The following EPX variants were observed in gnomAD, a reference collection of about 807,000 sequenced individuals.
EPX encodes eosinophil peroxidase.
Under a neutral mutation model 73.0 loss-of-function variants are expected in EPX, and 60 were observed. That is an observed-to-expected ratio of 0.82 (90% CI 0.67 to 1.02). EPX has a LOEUF of 1.02. Among genes scored for constraint, EPX ranks in the 50% least tolerant of loss-of-function variants. EPX has a pLI of 0.00. For missense variants in EPX, 950 were observed against 973.9 expected, an observed-to-expected ratio of 0.98 and a Z score of 0.33; for synonymous variants, 347 against 389.2, an observed-to-expected ratio of 0.89 and a Z score of 1.28.
In EPX at chr17:58,194,004, G is replaced by C. The variant is rs780229286; in HGVS notation, c.506G>C (p.Arg169Pro). The change falls in exon 5 of 13, where the codon CGC becomes CCC. Residue 169 changes from arginine (R) to proline (P), a missense_variant. By Grantham distance (103) the Arg-to-Pro change is moderately radical (BLOSUM62 -2). Coordinates refer to ENST00000225371, the MANE Select transcript of EPX (RefSeq NM_000502.6). ...GGGGCCTCCAACCAGGCTCTGGCTC[G>C]CTGGCTGCCCGCCGAGTATGAGGAT... The part of the protein sequence containing the change: ...LLGASNQALA[R>P]WLPAEYEDGL... The C allele has an allele frequency of 4.3e-6, 7 of 1,612,976 alleles. No homozygotes were observed. Among genetic ancestry groups the C allele is most frequent in the Non-Finnish European group, 5.9e-6 (7 of 1,180,020 alleles).
In EPX at chr17:58,194,017, C is replaced by G; in HGVS notation, c.519C>G (p.Ala173=). ...SNQALARWLP[A]EYEDGLSLPF... ...AGGCTCTGGCTCGCTGGCTGCCCGC[C>G]GAGTATGAGGATGGGCTGTCGCTCC... The change falls in exon 5 of 13, where the codon GCC becomes GCG. Residue 173 remains alanine, a synonymous_variant. Transcript: ENST00000225371. The G allele has an allele frequency of 6.2e-7, 1 of 1,613,194 alleles. No individual in the cohort carries two copies. The highest frequency in any genetic ancestry group is 8.5e-7 in the Non-Finnish European group (1 of 1,179,956).
chr17:58,198,203 G>GGGGAGCA (rs1968288428), intron 7 of EPX, among the ~76,000 whole-genome samples: 1 of 152,162 alleles, frequency 6.6e-6, no homozygotes, highest in African/African-American at 2.4e-5. Flanking sequence ...AATTATTATT[G>GGGGAGCA]TTCTCATTTT....
Position 58,192,881 on chromosome 17 carries a change from C to T in EPX, c.35C>T (p.Ala12Val). 6.2e-7 allele frequency: 1 copy of T among 1,614,110 alleles called. No individual in the cohort carries two copies. The highest frequency in any genetic ancestry group is 1.6e-4 in the Middle Eastern group (1 of 6,062). The change falls in exon 1 of 13, where the codon GCC becomes GTC. Residue 12 changes from alanine to valine, a missense_variant. Coordinates refer to ENST00000225371, the MANE Select transcript of EPX (RefSeq NM_000502.6). Reference protein sequence around the residue: ...HLLPALAGVLATLVLAQPCEG... With the variant: ...HLLPALAGVLVTLVLAQPCEG... ...CTCCCAGCCCTGGCAGGGGTCCTGG[C>T]CACACTCGTCCTCGCCCAGCCCTGT... is the stretch of plus-strand genomic sequence containing the variant.
chr17:58,193,615 G>A, intron 3 of EPX, 69 bp downstream of exon 3: 1 of 1,578,770 alleles, frequency 6.3e-7, no homozygotes, highest in South Asian at 1.1e-5. Context: ...AGGAGAGGGA[G>A]GCAGGGTGCA....
intron 6 of EPX, among the ~76,000 whole-genome samples, chr17:58,196,347 A>G (rs1968256315): frequency 6.6e-6 from 1 of 152,122 alleles, no homozygotes; most frequent in South Asian, 2.1e-4. Flanking sequence ...GCCTCATGTA[A>G]TCCACCTGCC....
chr17:58,200,285 A>G lies in EPX; in HGVS notation c.1598A>G (p.Asp533Gly), dbSNP rs1352463874. 1.9e-6 allele frequency: 3 copies of G among 1,614,054 alleles called. No individual in the cohort carries two copies. The highest frequency in any genetic ancestry group is 1.7e-6 in the Non-Finnish European group (2 of 1,180,020). Residue 533 changes from aspartate (D) to glycine (G), a missense_variant, in exon 10 of 13, where the codon GAT (aspartate) becomes GGT (glycine). By Grantham distance (94) the Asp-to-Gly change is moderately conservative (BLOSUM62 -1). Coordinates refer to ENST00000225371, the MANE Select transcript of EPX (RefSeq NM_000502.6). Reference protein sequence around the residue: ...MATPAKLNRQDAMLVDELRDR... With the variant: ...MATPAKLNRQGAMLVDELRDR... ...ACCCCTGCCAAGCTGAACCGTCAGGATGCCATGTTAGTGGATGAGCTCCGG... is the reference window on the plus strand; with the variant it reads ...ACCCCTGCCAAGCTGAACCGTCAGGGTGCCATGTTAGTGGATGAGCTCCGG...
At chr17:58,204,124 A>T in intron 11 of EPX, 98 bp from the exon 12 acceptor site, 1 of 857,672 alleles carries the variant, frequency 1.2e-6, no homozygotes, top group Admixed American at 1.9e-5. Context: ...GTGAGAATTG[A>T]ATGGAATAAT....
In EPX at chr17:58,196,410, C is replaced by G. The variant is rs139361203; in HGVS notation, c.802-529C>G. On this transcript the variant is annotated intron_variant, in intron 6 of 12. Coordinates refer to ENST00000225371, the MANE Select transcript of EPX (RefSeq NM_000502.6). Reference sequence around the variant, plus strand: ...GGCGTGAGCCACCACACCTGGCCCACATATGGCTTTTCTATCAAGCACAGC... The same window carrying G: ...GGCGTGAGCCACCACACCTGGCCCAGATATGGCTTTTCTATCAAGCACAGC... Among the ~76,000 whole-genome samples the G allele has an allele frequency of 3.3e-3, 496 of 152,258 alleles. 4 individuals are homozygous for G. The highest frequency in any genetic ancestry group is 0.01 in the Middle Eastern group (3 of 294).
Position 58,199,107 on chromosome 17 carries a change from C to T in EPX, c.1188C>T (p.Asn396=), listed in dbSNP as rs777079818. The T allele has an allele frequency of 1.2e-6, 2 of 1,614,022 alleles. No homozygotes were observed. Among genetic ancestry groups the T allele is most frequent in the South Asian group, 2.2e-5 (2 of 91,076 alleles). ...ACACCCTCTTTATGCGAGAGCACAA[C>T]CGGCTGGCCACCGAGCTGAGACGCC... ...AMHTLFMREH[N]RLATELRRLN... Residue 396 remains asparagine (N), a synonymous_variant, in exon 8 of 13, where the codon AAC becomes AAT. Coordinates refer to ENST00000225371, the MANE Select transcript of EPX (RefSeq NM_000502.6).
chr17:58,197,626 G>A lies in EPX; in HGVS notation c.1120+369G>A, dbSNP rs981168741. On this transcript the variant is annotated intron_variant, in intron 7 of 12. Transcript: ENST00000225371. Reference sequence around the variant, plus strand: ...AGAAAAGACACTGTCCCTCTTACACGCAGGAATACCTCAAAGTAGCTGTTA... The same window carrying A: ...AGAAAAGACACTGTCCCTCTTACACACAGGAATACCTCAAAGTAGCTGTTA... 3.3e-5 allele frequency among the ~76,000 whole-genome samples: 5 copies of A among 152,088 alleles called. No homozygotes were observed. In the East Asian group the frequency reaches 5.8e-4, roughly 18 times the overall value.
At position 58,204,338 on chromosome 17, in the gene EPX, T is replaced by A. The variant is rs760707243; in HGVS notation, c.2063T>A (p.Ile688Asn). 6.2e-6 allele frequency: 10 copies of A among 1,614,010 alleles called. No homozygotes were observed. The highest frequency in any genetic ancestry group is 8.5e-6 in the Non-Finnish European group (10 of 1,179,886). The change falls in exon 12 of 13, where the codon ATC becomes AAC. Residue 688 changes from isoleucine to asparagine, a missense_variant. By Grantham distance (149) the Ile-to-Asn change is moderately radical (BLOSUM62 -3). Transcript: ENST00000225371. ...GGTATCACCACGGTTTCAAGGGACA[T>A]CTTCAGAGCCAACATCTACCCTCGG... is the stretch of plus-strand genomic sequence containing the variant. ...NTGITTVSRD[I>N]FRANIYPRGF...
At chr17:58,200,487 G>A (rs1427094302) in intron 10 of EPX, 92 bp downstream of exon 10, 1 of 1,327,328 alleles carries the variant, frequency 7.5e-7, no homozygotes, top group Non-Finnish European at 1.1e-6. Context: ...TTTCTGACTG[G>A]GACTGTCTAC....
intron 5 of EPX, 150 bp from the exon 6 acceptor site, chr17:58,194,814 G>GC (rs1968230175): frequency 2.8e-6 from 2 of 705,690 alleles, no homozygotes; most frequent in South Asian, 3.0e-5. Flanking sequence ...AGGTGGCTAC[G>GC]CCTCCAGGGA....
intron 1 of EPX, 58 bp downstream of exon 1, chr17:58,192,980 G>A: frequency 6.3e-7 from 1 of 1,592,280 alleles, no homozygotes; most frequent in Non-Finnish European, 8.6e-7. Context: ...GGAAGCACTT[G>A]GGTCTTGGAG....
At position 58,199,785 on chromosome 17, in the gene EPX, G is replaced by A. The variant is rs142676753; in HGVS notation, c.1528G>A (p.Val510Met). ...SSAFFASWRI[V>M]YEGGIDPILR... ...TGCCTTCTTTGCCAGCTGGCGGATCGTGTATGAAGGTGACCAGGTTTTCCA... is the reference window on the plus strand; with the variant it reads ...TGCCTTCTTTGCCAGCTGGCGGATCATGTATGAAGGTGACCAGGTTTTCCA... Residue 510 changes from valine to methionine, a missense_variant, in exon 9 of 13, where the codon GTG becomes ATG. Physicochemically the swap from Val to Met is conservative, Grantham distance 21. Coordinates refer to ENST00000225371, the MANE Select transcript of EPX (RefSeq NM_000502.6). 150 of 1,611,852 alleles carry A rather than the reference G, an allele frequency of 9.3e-5. No homozygotes were observed. In the African/African-American group the frequency reaches 1.5e-3, roughly 16 times the overall value.
At chr17:58,200,089 ACT>A (rs993998309) in intron 9 of EPX, 134 bp from the exon 10 acceptor site, 52 of 851,704 alleles carry the variant, frequency 6.1e-5, no homozygotes, top group Middle Eastern at 3.3e-4. Flanking sequence ...TCTCTCCAGA[ACT>A]CTGTTTCCTG....
chr17:58,204,241 G>A lies in EPX; in HGVS notation c.1966G>A (p.Gly656Ser), dbSNP rs767519152. Residue 656 changes from glycine (G) to serine (S), a missense_variant, in exon 12 of 13, where the codon GGT (glycine) becomes AGT (serine). By Grantham distance (56) the Gly-to-Ser change is moderately conservative. Coordinates refer to ENST00000225371, the MANE Select transcript of EPX (RefSeq NM_000502.6). ...TGGTAGGTTCTGGTGGCAGAAACGA[G>A]GTGTTTTCACCAAAAGACAGCGCAA... The part of the protein sequence containing the change: ...DGDRFWWQKR[G>S]VFTKRQRKAL... 2.7e-5 allele frequency: 44 copies of A among 1,614,024 alleles called. No homozygotes were observed. The highest frequency in any genetic ancestry group is 3.6e-5 in the Non-Finnish European group (42 of 1,179,928).
intron 10 of EPX, 43 bp downstream of exon 10, chr17:58,200,438 A>C: frequency 6.3e-7 from 1 of 1,590,854 alleles, no homozygotes; most frequent in South Asian, 1.1e-5. Flanking sequence ...TGCTCGGGCC[A>C]GGCTGCTCAA....
chr17:58,192,881 C>A lies in EPX; in HGVS notation c.35C>A (p.Ala12Asp). The change falls in exon 1 of 13, where the codon GCC becomes GAC. Residue 12 changes from alanine to aspartate, a missense_variant. By Grantham distance (126) the Ala-to-Asp change is moderately radical (BLOSUM62 -2). Coordinates refer to ENST00000225371, the MANE Select transcript of EPX (RefSeq NM_000502.6). ...HLLPALAGVL[A>D]TLVLAQPCEG... is the part of the protein sequence containing the mutation. ...CTCCCAGCCCTGGCAGGGGTCCTGG[C>A]CACACTCGTCCTCGCCCAGCCCTGT... The A allele has an allele frequency of 6.2e-7, 1 of 1,614,110 alleles. No homozygotes were observed. Among genetic ancestry groups the A allele is most frequent in the Non-Finnish European group, 8.5e-7 (1 of 1,179,968 alleles).
Sources: allele counts gnomAD v4.1 joint callset (sites outside exome capture counted in the v4.1 genomes callset), GRCh38; gene constraint gnomAD v4.1.1; transcripts MANE v1.5; gene names NCBI Gene and HGNC (gene_info 2026-07-23, HGNC 2026-07-21).